VTA1: variants seen among roughly 807,000 people sequenced by gnomAD.
VTA1 encodes the protein vacuolar protein sorting-associated protein VTA1 homolog.
A neutral mutation model predicts 36.9 loss-of-function variants in VTA1; 24 were observed. That is an observed-to-expected ratio of 0.65 (90% confidence interval 0.47 to 0.91). The LOEUF (loss-of-function observed/expected upper bound fraction) is 0.91, where lower values mean the gene tolerates loss of function less well. Among genes scored for constraint, VTA1 ranks in the 40% least tolerant of loss-of-function variants. The probability of loss-of-function intolerance (pLI) is 0.00; values close to 1 mark genes in which losing one functional copy is unlikely to be tolerated. For missense variants in VTA1, 393 were observed against 377.2 expected, an observed-to-expected ratio of 1.04 and a Z score of -0.35; for synonymous variants, 142 against 130.2, an observed-to-expected ratio of 1.09 and a Z score of -0.62.
chr6:142,213,861 G>T (rs928751793), intron 7 of VTA1, among the ~76,000 whole-genome samples: 3 of 152,150 alleles, frequency 2.0e-5, no homozygotes, highest in African/African-American at 7.2e-5. Context: ...TCTCCAACCT[G>T]TGATGGCGGG....
chr6:142,147,365 G>A lies in VTA1; in HGVS notation c.78G>A (p.Glu26=). ...AGCATCATCTGAGGACGGCTCAGGA[G>A]CATGACAAGCGAGACCCTGTGGTGG... ...SIQHHLRTAQ[E]HDKRDPVVAY... Residue 26 remains glutamate, a synonymous_variant, in exon 1 of 8, where the codon GAG becomes GAA. Transcript: ENST00000367630. 6.2e-7 allele frequency: 1 copy of A among 1,614,192 alleles called. No homozygotes were observed. Among genetic ancestry groups the A allele is most frequent in the Non-Finnish European group, 8.5e-7 (1 of 1,180,016 alleles).
intron 4 of VTA1, among the ~76,000 whole-genome samples, chr6:142,171,615 A>G (rs922931175): frequency 1.3e-5 from 2 of 152,188 alleles, no homozygotes; most frequent in African/African-American, 4.8e-5. Flanking sequence ...CAAATTTACT[A>G]CTTTAAGTTC....
Position 142,204,085 on chromosome 6 carries a change from T to G in VTA1, c.778+20T>G. On this transcript the variant is annotated intron_variant, in intron 7 of 7. Coordinates refer to ENST00000367630, the MANE Select transcript of VTA1 (RefSeq NM_016485.5). ...CCCAGGGTAAGTCAGCTGACTATTT[T>G]GTGAGATACATTTATCTCCTGTTTT... The G allele has an allele frequency of 6.2e-7, 1 of 1,606,024 alleles. No individual in the cohort carries two copies. The highest frequency in any genetic ancestry group is 8.5e-7 in the Non-Finnish European group (1 of 1,173,112).
intron 7 of VTA1, among the ~76,000 whole-genome samples, chr6:142,217,150 C>T (rs1363276364): frequency 6.6e-6 from 1 of 151,976 alleles, no homozygotes; most frequent in Non-Finnish European, 1.5e-5. Context: ...ATCGGTAATC[C>T]CTGATTCACA....
chr6:142,197,929 A>C (rs941558087), intron 5 of VTA1, among the ~76,000 whole-genome samples: 1 of 151,120 alleles, frequency 6.6e-6, no homozygotes, highest in African/African-American at 2.4e-5. Flanking sequence ...AAAAAAAAAA[A>C]AACCAAAAAA....
At chr6:142,194,612 C>G (rs1582896237) in intron 5 of VTA1, among the ~76,000 whole-genome samples, 1 of 152,104 alleles carries the variant, frequency 6.6e-6, no homozygotes, top group East Asian at 1.9e-4. Flanking sequence ...ATCTTGCAAC[C>G]TTGCTAAATT....
At chr6:142,206,282 T>C (rs1233403711) in intron 7 of VTA1, among the ~76,000 whole-genome samples, 10 of 152,190 alleles carry the variant, frequency 6.6e-5, no homozygotes, top group South Asian at 2.1e-4. Context: ...CAAGTGGGAT[T>C]TGAAATTTAA....
chr6:142,208,019 G>A (rs1445894247), intron 7 of VTA1, among the ~76,000 whole-genome samples: 4 of 148,948 alleles, frequency 2.7e-5, no homozygotes, highest in African/African-American at 1.0e-4. Flanking sequence ...CCTGGGAGGC[G>A]GAGAGTGCAG....
intron 5 of VTA1, among the ~76,000 whole-genome samples, chr6:142,194,320 G>GA (rs1775506508): frequency 6.6e-6 from 1 of 151,820 alleles, no homozygotes; most frequent in Non-Finnish European, 1.5e-5. Flanking sequence ...CTCTTTTTTA[G>GA]AAAAAATGCC....
intron 1 of VTA1, among the ~76,000 whole-genome samples, chr6:142,158,913 A>G (rs1380789852): frequency 6.6e-6 from 1 of 152,138 alleles, no homozygotes; most frequent in Non-Finnish European, 1.5e-5. Context: ...TCCTTTGCCT[A>G]TAGTTGTCAT....
chr6:142,207,368 C>A (rs1464554846), intron 7 of VTA1, among the ~76,000 whole-genome samples: 2 of 151,838 alleles, frequency 1.3e-5, no homozygotes, highest in African/African-American at 4.8e-5. Context: ...CACTGAAGAC[C>A]AGCAGAGACT....
In VTA1 at chr6:142,219,640, G is replaced by A. The variant is rs1776066497; in HGVS notation, c.*997G>A. The A allele has an allele frequency of 6.6e-6, 1 of 152,142 alleles. No homozygotes were observed. Among genetic ancestry groups the A allele is most frequent in the Non-Finnish European group, 1.5e-5 (1 of 68,010 alleles). 9.4% of individuals were successfully genotyped at this position (152,142 alleles called of 1,614,324 possible). A position where few individuals can be genotyped will look rare whatever the true frequency, so the allele number is the denominator to read the frequency against. Reference sequence around the variant, plus strand: ...AATGTCTGTTTTTATTTGCCTGCTAGGATTGTCTTTTTTAAAAGTCATTTT... The same window carrying A: ...AATGTCTGTTTTTATTTGCCTGCTAAGATTGTCTTTTTTAAAAGTCATTTT... On this transcript the variant is annotated 3_prime_UTR_variant, in exon 8 of 8. Transcript: ENST00000367630.
chr6:142,150,374 T>C (rs1161543309), intron 1 of VTA1, among the ~76,000 whole-genome samples: 1 of 152,226 alleles, frequency 6.6e-6, no homozygotes, highest in Non-Finnish European at 1.5e-5. Context: ...CATGTTTTCC[T>C]TCCAAAAACT....
chr6:142,158,480 A>G (rs1778707067), intron 1 of VTA1, among the ~76,000 whole-genome samples: 1 of 152,198 alleles, frequency 6.6e-6, no homozygotes, highest in South Asian at 2.1e-4. Flanking sequence ...TACATGATCC[A>G]TGGCGATTAC....
At chr6:142,162,399 A>G (rs1282310560) in intron 1 of VTA1, among the ~76,000 whole-genome samples, 1 of 152,196 alleles carries the variant, frequency 6.6e-6, no homozygotes, top group Non-Finnish European at 1.5e-5. Flanking sequence ...AAAGAGAGAA[A>G]GACCTGTGGG....
At chr6:142,178,309 T>G (rs1582887385) in intron 4 of VTA1, among the ~76,000 whole-genome samples, 1 of 151,726 alleles carries the variant, frequency 6.6e-6, no homozygotes, top group African/African-American at 2.4e-5. Flanking sequence ...AGAAAAAAAA[T>G]AAAACAAATG....
intron 1 of VTA1, among the ~76,000 whole-genome samples, chr6:142,165,004 A>C (rs1015884384): frequency 6.6e-6 from 1 of 152,204 alleles, no homozygotes; most frequent in Non-Finnish European, 1.5e-5. Context: ...TTATATCTCT[A>C]CTTCATACAG....
chr6:142,204,043 A>G lies in VTA1; in HGVS notation c.756A>G (p.Ala252=), dbSNP rs375996928. The change falls in exon 7 of 8, where the codon GCA becomes GCG. Residue 252 remains alanine (A), a synonymous_variant. Coordinates refer to ENST00000367630, the MANE Select transcript of VTA1 (RefSeq NM_016485.5). ...TPQTIPAIDP[A]LFNTISQGDV... is the part of the protein sequence containing the mutation. The stretch of plus-strand genomic sequence containing the variant: ...AGACTATACCTGCCATTGATCCCGC[A>G]CTTTTCAATACAATTTCCCAGGGTA... 3 of 1,613,424 alleles carry G rather than the reference A, an allele frequency of 1.9e-6. No homozygotes were observed. The highest frequency in any genetic ancestry group is 1.6e-4 in the Middle Eastern group (1 of 6,078).
In VTA1 at chr6:142,198,606, C is replaced by G; in HGVS notation, c.688C>G (p.His230Asp). 1 of 1,611,092 alleles carries G rather than the reference C, an allele frequency of 6.2e-7. No homozygotes were observed. The highest frequency in any genetic ancestry group is 8.5e-7 in the Non-Finnish European group (1 of 1,178,236). ...APANTPAEVP[H>D]STGVASNTIQ... Reference sequence around the variant, plus strand: ...AGCTAATACACCAGCAGAAGTGCCTCACAGCACAGGTGGGAAACTGTAACT... The same window carrying G: ...AGCTAATACACCAGCAGAAGTGCCTGACAGCACAGGTGGGAAACTGTAACT... Residue 230 changes from histidine (H) to aspartate (D), a missense_variant, in exon 6 of 8, where the codon CAC becomes GAC. Transcript: ENST00000367630.
Sources: allele counts gnomAD v4.1 joint callset (sites outside exome capture counted in the v4.1 genomes callset), GRCh38; gene constraint gnomAD v4.1.1; transcripts MANE v1.5; gene names NCBI Gene and HGNC (gene_info 2026-07-23, HGNC 2026-07-21).